The following SPINK5 variants were observed in gnomAD, a reference collection of about 807,000 sequenced individuals.
SPINK5 encodes serine protease inhibitor Kazal-type 5.
In SPINK5, 125 loss-of-function variants were observed where a neutral mutation model predicts 151.8. The observed-to-expected ratio is 0.82, with a 90% CI of 0.71 to 0.96. SPINK5 has a LOEUF of 0.96. Among genes scored for constraint, SPINK5 ranks in the 40% least tolerant of loss-of-function variants. The pLI is 0.00. For missense variants in SPINK5, 1,194 were observed against 1,291.9 expected (o/e 0.92, Z 1.16); for synonymous variants, 374 against 395.3 (o/e 0.95, Z 0.64).
chr5:148,066,281 T>C (rs560544664), intron 2 of SPINK5, among the ~76,000 whole-genome samples: 9 of 152,258 alleles, frequency 5.9e-5, no homozygotes, highest in African/African-American at 2.2e-4. Context: ...ATTTGAAAGA[T>C]AGGATGACCA....
At chr5:148,123,278 G>A (rs1485408619) in intron 26 of SPINK5, among the ~76,000 whole-genome samples, 2 of 151,018 alleles carry the variant, frequency 1.3e-5, no homozygotes, top group Admixed American at 1.3e-4. Flanking sequence ...CTTGAGCCCA[G>A]GAGTTGGAGG....
chr5:148,130,717 C>T (rs967213151), intron 30 of SPINK5, among the ~76,000 whole-genome samples: 3 of 152,122 alleles, frequency 2.0e-5, no homozygotes, highest in Non-Finnish European at 4.4e-5. Flanking sequence ...CATGCATTAT[C>T]TGTTTTAATC....
intron 32 of SPINK5, among the ~76,000 whole-genome samples, chr5:148,134,977 A>G (rs1754661793): frequency 6.6e-6 from 1 of 151,972 alleles, no homozygotes; most frequent in Admixed American, 6.6e-5. Flanking sequence ...AATTGTGAAA[A>G]CAAGAATCAT....
chr5:148,123,551 A>ATATATATAT (rs1245272870), intron 26 of SPINK5, among the ~76,000 whole-genome samples: 1 of 71,214 alleles, frequency 1.4e-5, no homozygotes, highest in African/African-American at 4.5e-5. Flanking sequence ...ATATATATAT[A>ATATATATAT]ATCTTGCTTG....
intron 15 of SPINK5, among the ~76,000 whole-genome samples, 176 bp from the exon 16 acceptor site, chr5:148,104,776 A>G (rs1753736317): frequency 6.6e-6 from 1 of 152,060 alleles, no homozygotes; most frequent in Non-Finnish European, 1.5e-5. Context: ...TGTGCCTGTA[A>G]TCCTAGCTAC....
chr5:148,127,650 G>A (rs546585158), intron 30 of SPINK5, among the ~76,000 whole-genome samples: 1 of 152,146 alleles, frequency 6.6e-6, no homozygotes, highest in Admixed American at 6.5e-5. Flanking sequence ...CCAGGAGTTT[G>A]AGACCACTGT....
intron 31 of SPINK5, among the ~76,000 whole-genome samples, chr5:148,132,363 T>A (rs1754596290): frequency 6.6e-6 from 1 of 152,154 alleles, no homozygotes; most frequent in African/African-American, 2.4e-5. Flanking sequence ...GACTCCCTGA[T>A]ATCCTGCTTT....
At chr5:148,116,519 T>TTC (rs1754097531) in intron 22 of SPINK5, 53 bp downstream of exon 22, 1 of 1,535,448 alleles carries the variant, frequency 6.5e-7, no homozygotes, top group Non-Finnish European at 9.0e-7. Context: ...TCCTTGACAA[T>TTC]AGGACTGTGA....
intron 4 of SPINK5, among the ~76,000 whole-genome samples, chr5:148,082,608 T>A (rs1206122090): frequency 8.4e-5 from 1 of 11,852 alleles, no homozygotes; most frequent in Non-Finnish European, 1.2e-4. Flanking sequence ...ATTCTTTTTT[T>A]TTTTTTTTTT....
intron 31 of SPINK5, among the ~76,000 whole-genome samples, chr5:148,132,099 C>T (rs1754587060): frequency 6.6e-6 from 1 of 152,116 alleles, no homozygotes; most frequent in Non-Finnish European, 1.5e-5. Context: ...CATTTTAATA[C>T]TCTTATTATT....
At chr5:148,093,420 G>A (rs1753367126) in intron 8 of SPINK5, among the ~76,000 whole-genome samples, 1 of 151,560 alleles carries the variant, frequency 6.6e-6, no homozygotes, top group South Asian at 2.1e-4. Flanking sequence ...ATCTGTCTAA[G>A]GTGAGGGTGA....
At chr5:148,068,578 A>AAAAAAAAG (rs1554101972) in intron 2 of SPINK5, among the ~76,000 whole-genome samples, 1 of 74,386 alleles carries the variant, frequency 1.3e-5, no homozygotes, top group Non-Finnish European at 2.2e-5. Flanking sequence ...AAAAAAAAAA[A>AAAAAAAAG]AAAGAAAGAA....
intron 27 of SPINK5, among the ~76,000 whole-genome samples, chr5:148,124,195 T>G (rs990957955): frequency 3.3e-5 from 5 of 152,220 alleles, no homozygotes; most frequent in African/African-American, 9.6e-5. Context: ...ATCAGCTAGG[T>G]AACCTGGGAC....
chr5:148,102,300 AT>A (rs1753668136), intron 15 of SPINK5, among the ~76,000 whole-genome samples: 2 of 152,198 alleles, frequency 1.3e-5, no homozygotes. Flanking sequence ...GAATAAGTTT[AT>A]GGGATGTATT....
intron 1 of SPINK5, 76 bp downstream of exon 1, chr5:148,064,175 C>A: frequency 1.3e-6 from 2 of 1,532,152 alleles, no homozygotes; most frequent in Non-Finnish European, 1.8e-6. Flanking sequence ...TCTCCCCCTA[C>A]TCCTGCCAAA....
At chr5:148,064,288 T>C (rs1163655788) in intron 1 of SPINK5, among the ~76,000 whole-genome samples, 189 bp downstream of exon 1, 2 of 152,226 alleles carry the variant, frequency 1.3e-5, no homozygotes, top group African/African-American at 4.8e-5. Flanking sequence ...TCTTTAGAAA[T>C]GGCAAGTAGT....
chr5:148,073,814 T>A (rs1360867404), intron 4 of SPINK5, among the ~76,000 whole-genome samples: 2 of 113,812 alleles, frequency 1.8e-5, no homozygotes, highest in African/African-American at 6.7e-5. Flanking sequence ...TATGCCTGAG[T>A]CACACACACA....
At chr5:148,113,240 A>G (rs1753991756) in intron 20 of SPINK5, among the ~76,000 whole-genome samples, 1 of 152,144 alleles carries the variant, frequency 6.6e-6, no homozygotes, top group South Asian at 2.1e-4. Flanking sequence ...GGCTGGCCAG[A>G]TGTTGCTCAC....
Position 148,099,221 on chromosome 5 carries a change from C to A in SPINK5, c.1011-13C>A. Reference sequence around the variant, plus strand: ...GTTCCTAATGGATCTGCTTCTTTTTCCCTCTTATTCAGCCAAGCAGAAAAT... The same window carrying A: ...GTTCCTAATGGATCTGCTTCTTTTTACCTCTTATTCAGCCAAGCAGAAAAT... On this transcript the variant is annotated splice_polypyrimidine_tract_variant and intron_variant, in intron 11 of 32. Transcript: ENST00000256084. 1 of 1,602,198 alleles carries A rather than the reference C, an allele frequency of 6.2e-7. No homozygotes were observed. Among genetic ancestry groups the A allele is most frequent in the East Asian group, 2.2e-5 (1 of 44,484 alleles).
Sources: allele counts gnomAD v4.1 joint callset (sites outside exome capture counted in the v4.1 genomes callset), GRCh38; gene constraint gnomAD v4.1.1; transcripts MANE v1.5; gene names NCBI Gene and HGNC (gene_info 2026-07-23, HGNC 2026-07-21).